The following TMC6 variants were observed in gnomAD, a reference collection of about 807,000 sequenced individuals.
The protein encoded by TMC6 is transmembrane channel like 6.
In TMC6, 71 loss-of-function variants were observed where a neutral mutation model predicts 95.4. The observed-to-expected ratio is 0.74, with a 90% CI of 0.61 to 0.91. The LOEUF (loss-of-function observed/expected upper bound fraction) is 0.91. Ranked by LOEUF, TMC6 falls within the 40% of genes least tolerant of loss-of-function variation. The pLI, the probability that TMC6 is intolerant of heterozygous loss-of-function variation, is 0.00. For missense variants in TMC6, 1,074 were observed against 1,079.1 expected (o/e 1.00, Z 0.07); for synonymous variants, 514 against 483.1 (o/e 1.06, Z -0.84).
chr17:78,125,131 G>A (rs200542546), intron 6 of TMC6, 27 bp downstream of exon 6: 40 of 1,552,628 alleles, frequency 2.6e-5, no homozygotes, highest in Non-Finnish European at 3.1e-5. Context: ...CAGCAGCGGC[G>A]GCATGGTCAG....
At position 78,121,243 on chromosome 17, in the gene TMC6, G is replaced by A; in HGVS notation, c.1384-79C>T. ...GGGCAGCTACAGGGAAGGGCCCGGG[G>A]TGGAACTGGCAGGTAGCACCTCCCT... is the stretch of plus-strand genomic sequence containing the variant. On this transcript the variant is annotated intron_variant, in intron 11 of 19. Transcript: ENST00000590602. This position sits in a 1 kb window ranked among gnomAD's most constrained non-coding sequence, Gnocchi z 5.6. 1.3e-6 allele frequency: 2 copies of A among 1,537,314 alleles called. No individual in the cohort carries two copies. The highest frequency in any genetic ancestry group is 1.7e-6 in the Non-Finnish European group (2 of 1,145,038).
chr17:78,123,822 T>G (rs1006349900), intron 9 of TMC6, among the ~76,000 whole-genome samples, 167 bp downstream of exon 9: 1 of 151,480 alleles, frequency 6.6e-6, no homozygotes, highest in Non-Finnish European at 1.5e-5. Flanking sequence ...GGTAGATGGA[T>G]GGGTAGATGG....
At chr17:78,119,189 T>G in intron 14 of TMC6, 108 bp downstream of exon 14, 1 of 1,520,230 alleles carries the variant, frequency 6.6e-7, no homozygotes, top group Non-Finnish European at 9.1e-7. Flanking sequence ...CCAGGGTCCA[T>G]GGCCGGGCCT....
upstream of TMC6, among the ~76,000 whole-genome samples, chr17:78,129,655 C>G (rs777191636): frequency 1.3e-4 from 20 of 152,140 alleles, no homozygotes; most frequent in Non-Finnish European, 2.2e-4. This position sits in a 1 kb window ranked among gnomAD's most constrained non-coding sequence, Gnocchi z 4.3. Flanking sequence ...GAGGACCAGG[C>G]AGGGGTCAAG....
Position 78,109,622 on chromosome 17 carries a change from C to T in TMC6, c.*3526G>A, listed in dbSNP as rs1424335188. The T allele has an allele frequency of 1.1e-5, 5 of 449,106 alleles. No homozygotes were observed. Among genetic ancestry groups the T allele is most frequent in the African/African-American group, 8.0e-5 (4 of 49,762 alleles). The allele number at this position is 449,106 out of a possible 1,614,324, so 27.8% of individuals were successfully genotyped here. On this transcript the variant is annotated 3_prime_UTR_variant, in exon 20 of 20. Coordinates refer to ENST00000590602, the MANE Select transcript of TMC6 (RefSeq NM_001127198.5). ...CTCCGGGATGGGCAACAGAAAGACCCCATCTCAAAAAAGCAGAAGCACATT... is the reference window on the plus strand; with the variant it reads ...CTCCGGGATGGGCAACAGAAAGACCTCATCTCAAAAAAGCAGAAGCACATT...
At chr17:78,131,468 G>C (rs1231244862), upstream of TMC6, 10 of 1,396,912 alleles carry the variant, frequency 7.2e-6, no homozygotes, top group African/African-American at 8.5e-5. Context: ...GGACGGAAGG[G>C]CCCGCCCCCA....
chr17:78,131,845 G>C (rs905987944), upstream of TMC6: 6 of 1,477,442 alleles, frequency 4.1e-6, no homozygotes, highest in African/African-American at 7.0e-5. Flanking sequence ...GGCAGGGCGG[G>C]TGACTCAGGG....
Position 78,109,223 on chromosome 17 carries a change from TG to T in TMC6, c.*3924del, listed in dbSNP as rs1012845155. Reference sequence around the variant, plus strand: ...TGGCGTGCCAAGAAGGCTGTTCCAATGGGGGAGAAGCCAGCAGACACAGAGG... The same window carrying T: ...TGGCGTGCCAAGAAGGCTGTTCCAATGGGGAGAAGCCAGCAGACACAGAGG... On this transcript the variant is annotated 3_prime_UTR_variant, in exon 20 of 20. Transcript: ENST00000590602. 4.1e-5 allele frequency: 14 copies of T among 341,366 alleles called. No homozygotes were observed. Among genetic ancestry groups the T allele is most frequent in the Non-Finnish European group, 7.0e-5 (12 of 171,520 alleles). 21.1% of individuals were successfully genotyped at this position (341,366 alleles called of 1,614,324 possible).
chr17:78,131,716 T>A (rs1350995817), upstream of TMC6: 23 of 1,584,988 alleles, frequency 1.5e-5, no homozygotes, highest in Non-Finnish European at 2.0e-5. Flanking sequence ...CCCTATGCCA[T>A]GATGGACAAG....
chr17:78,125,940 A>G (rs1015763423), intron 4 of TMC6, 56 bp from the exon 5 acceptor site: 1 of 1,547,990 alleles, frequency 6.5e-7, no homozygotes. Flanking sequence ...CCCTCCCCTC[A>G]GGATGGGCTC....
intron 13 of TMC6, 177 bp downstream of exon 13, chr17:78,120,476 A>C: frequency 9.8e-7 from 1 of 1,017,990 alleles, no homozygotes; most frequent in Non-Finnish European, 1.5e-6. Context: ...ATCACTTTGA[A>C]ACCTGTTTTC....
chr17:78,114,307 C>T (rs142652929), intron 18 of TMC6, among the ~76,000 whole-genome samples: 1 of 152,282 alleles, frequency 6.6e-6, no homozygotes, highest in South Asian at 2.1e-4. Flanking sequence ...TTTTTCACCT[C>T]TAAGGACCCT....
chr17:78,126,390 A>C (rs563185146), intron 3 of TMC6, 24 bp from the exon 4 acceptor site: 1 of 1,600,164 alleles, frequency 6.2e-7, no homozygotes, highest in African/African-American at 1.3e-5. Flanking sequence ...AAGACTCACC[A>C]GGGGTCCTGG....
At chr17:78,127,272 G>A (rs1460027195) in intron 1 of TMC6, among the ~76,000 whole-genome samples, 3 of 152,120 alleles carry the variant, frequency 2.0e-5, no homozygotes, top group African/African-American at 7.2e-5. Flanking sequence ...CCTCCTTTTT[G>A]GAGAGAAAGG....
upstream of TMC6, chr17:78,128,779 A>G (rs1194354178): frequency 3.1e-5 from 2 of 64,478 alleles, no homozygotes; most frequent in Non-Finnish European, 6.3e-5. The surrounding 1 kb of genome is among the most constrained non-coding windows in gnomAD (Gnocchi z 4.0). Flanking sequence ...GAGTAGCCGC[A>G]CCTCCCGGCC....
Position 78,124,612 on chromosome 17 carries a change from G to T in TMC6, c.803C>A (p.Ala268Asp), listed in dbSNP as rs62079070. The change falls in exon 8 of 20, where the codon GCC (alanine) becomes GAC (aspartate). Residue 268 changes from alanine (A) to aspartate (D), a missense_variant. Physicochemically the swap from Ala to Asp is moderately radical, Grantham distance 126. Coordinates refer to ENST00000590602, the MANE Select transcript of TMC6 (RefSeq NM_001127198.5). ...FNALLLLLLV[A>D]FIMGPQVAFP... ...GGCGACCTGAGGGCCCATGATGAAG[G>T]CCACCAGCAGCAGCAGCAGGAGGGC... 1.2e-6 allele frequency: 2 copies of T among 1,612,430 alleles called. No individual in the cohort carries two copies. The highest frequency in any genetic ancestry group is 1.7e-6 in the Non-Finnish European group (2 of 1,179,812).
chr17:78,111,958 A>T lies in TMC6; in HGVS notation c.*1190T>A. ...GACGGGCTGGTCCCCGCAGGCCTGG[A>T]GCACTGGGGTCATGACGGGCTGGTT... is the stretch of plus-strand genomic sequence containing the variant. On this transcript the variant is annotated 3_prime_UTR_variant, in exon 20 of 20. Coordinates refer to ENST00000590602, the MANE Select transcript of TMC6 (RefSeq NM_001127198.5). 1.5e-5 allele frequency: 3 copies of T among 200,676 alleles called. No individual in the cohort carries two copies. The highest frequency in any genetic ancestry group is 1.2e-4 in the South Asian group (3 of 24,594). 12.4% of individuals were successfully genotyped at this position (200,676 alleles called of 1,614,324 possible).
At chr17:78,126,970 C>T in intron 1 of TMC6, 64 bp from the exon 2 acceptor site, 1 of 1,015,546 alleles carries the variant, frequency 9.8e-7, no homozygotes. Context: ...CCACACCACC[C>T]ATTCCTGGGG....
In TMC6 at chr17:78,121,141, C is replaced by T; in HGVS notation, c.1407G>A (p.Glu469=). ...MIQSPEAAGQ[E]AVLLVLPLVV... is the part of the protein sequence containing the mutation. ...CCAGGGGCAGGACCAGCAGCACAGC[C>T]TCCTGGCCAGCAGCCTCTGGACTCT... Residue 469 remains glutamate, a synonymous_variant, in exon 12 of 20, where the codon GAG becomes GAA. Coordinates refer to ENST00000590602, the MANE Select transcript of TMC6 (RefSeq NM_001127198.5). This position sits in a 1 kb window ranked among gnomAD's most constrained non-coding sequence, Gnocchi z 5.6. The T allele has an allele frequency of 1.9e-6, 3 of 1,602,292 alleles. No homozygotes were observed. Among genetic ancestry groups the T allele is most frequent in the South Asian group, 1.1e-5 (1 of 90,054 alleles).
Sources: gnomAD v4.1 joint callset for allele counts (sites outside exome capture counted in the v4.1 genomes callset) on GRCh38, gnomAD v4.1.1 for gene constraint, Gnocchi (gnomAD v3.1) non-coding constraint, MANE v1.5 for transcripts, NCBI Gene and HGNC (gene_info 2026-07-23, HGNC 2026-07-21) for gene names.